DLGAP2: variants seen among roughly 807,000 people sequenced by gnomAD.
DLGAP2 encodes DLG associated protein 2, also known as disks large-associated protein 2.
DLGAP2 carries 26 observed loss-of-function variants against 100.3 expected under a neutral mutation model. The ratio of observed to expected loss-of-function variants is 0.26; its 90% CI spans 0.19 to 0.36. DLGAP2 has a LOEUF of 0.36. Among genes scored for constraint, DLGAP2 ranks in the 10% least tolerant of loss-of-function variants. The probability of loss-of-function intolerance (pLI) is 1.00; values close to 1 mark genes in which losing one functional copy is unlikely to be tolerated. For missense variants in DLGAP2, 1,858 were observed against 1,453.2 expected, an observed-to-expected ratio of 1.28 and a Z score of -4.53; for synonymous variants, 886 against 630.1, an observed-to-expected ratio of 1.41 and a Z score of -6.08.
At chr8:1,348,773 C>T (rs1411104610) in intron 3 of DLGAP2, among the ~76,000 whole-genome samples, 4 of 152,244 alleles carry the variant, frequency 2.6e-5, no homozygotes, top group Admixed American at 6.5e-5. Flanking sequence ...TGCAAAGGAG[C>T]CAACCCATTG....
At chr8:1,609,959 G>A (rs1467171184) in intron 6 of DLGAP2, among the ~76,000 whole-genome samples, 1 of 151,224 alleles carries the variant, frequency 6.6e-6, no homozygotes, top group Non-Finnish European at 1.5e-5. Flanking sequence ...ACACCCCACT[G>A]TCAACATTAG....
chr8:935,607 G>C (rs1379488748), intron 2 of DLGAP2, among the ~76,000 whole-genome samples: 1 of 152,148 alleles, frequency 6.6e-6, no homozygotes, highest in African/African-American at 2.4e-5. Context: ...TGTCGCATTT[G>C]CATACTCCTG....
chr8:1,693,021 G>T (rs1463913462), intron 13 of DLGAP2, among the ~76,000 whole-genome samples: 3 of 147,296 alleles, frequency 2.0e-5, no homozygotes, highest in Non-Finnish European at 4.5e-5. Flanking sequence ...GCATCTATAT[G>T]TTTATATATA....
intron 3 of DLGAP2, among the ~76,000 whole-genome samples, chr8:1,424,927 C>T (rs534781580): frequency 6.6e-5 from 10 of 152,172 alleles, no homozygotes; most frequent in South Asian, 4.2e-4. Flanking sequence ...TTGGGAAGAT[C>T]GAGAAGTTCT....
intron 2 of DLGAP2, among the ~76,000 whole-genome samples, chr8:1,253,029 G>A (rs769016030): frequency 2.6e-5 from 4 of 152,158 alleles, no homozygotes; most frequent in African/African-American, 4.8e-5. Context: ...CCCTCATCCC[G>A]CTGTCCCTCC....
chr8:1,417,353 C>T (rs1470853742), intron 3 of DLGAP2, among the ~76,000 whole-genome samples: 2 of 151,876 alleles, frequency 1.3e-5, no homozygotes, highest in East Asian at 1.9e-4. Context: ...TCATAGAAGC[C>T]CTTGAAGCTA....
intron 2 of DLGAP2, among the ~76,000 whole-genome samples, chr8:963,819 C>T (rs895185789): frequency 6.6e-6 from 1 of 152,194 alleles, no homozygotes; most frequent in African/African-American, 2.4e-5. Context: ...CCAGCACCAT[C>T]ACAGTTAACA....
At chr8:1,007,108 C>T (rs191241839) in intron 2 of DLGAP2, among the ~76,000 whole-genome samples, 5 of 151,940 alleles carry the variant, frequency 3.3e-5, no homozygotes, top group East Asian at 1.9e-4. Flanking sequence ...TCGGGGACGC[C>T]GTGTGTCTGA....
At chr8:1,538,929 A>G in intron 4 of DLGAP2, among the ~76,000 whole-genome samples, 1 of 135,900 alleles carries the variant, frequency 7.4e-6, no homozygotes, top group African/African-American at 2.8e-5. Context: ...GCTTTTGCCT[A>G]GGCTGGAATG....
At chr8:1,054,748 T>G (rs919199057) in intron 2 of DLGAP2, among the ~76,000 whole-genome samples, 2 of 152,232 alleles carry the variant, frequency 1.3e-5, no homozygotes, top group African/African-American at 4.8e-5. Context: ...ATTGTATTGG[T>G]GTCACGCTGT....
intron 2 of DLGAP2, among the ~76,000 whole-genome samples, chr8:952,121 T>G (rs577225232): frequency 6.6e-6 from 1 of 152,340 alleles, no homozygotes; most frequent in South Asian, 2.1e-4. Flanking sequence ...AGTGCAGGCC[T>G]CCTGCCCAGC....
chr8:1,461,104 T>C (rs1468720903), intron 3 of DLGAP2, among the ~76,000 whole-genome samples: 2 of 130,934 alleles, frequency 1.5e-5, no homozygotes, highest in African/African-American at 3.0e-5. Flanking sequence ...TGCTGTCACG[T>C]GGGCTGGGTG....
intron 2 of DLGAP2, among the ~76,000 whole-genome samples, chr8:1,021,894 C>T (rs139712240): frequency 2.2e-4 from 33 of 152,220 alleles, no homozygotes; most frequent in Admixed American, 3.9e-4. Context: ...GTTTGTTCCA[C>T]GACCATCTCC....
In DLGAP2 at chr8:741,992, G is replaced by A. The variant is rs1820499519; in HGVS notation, c.18+4167G>A. Among the ~76,000 whole-genome samples the A allele has an allele frequency of 2.0e-5, 3 of 152,226 alleles. No individual in the cohort carries two copies. The South Asian group carries it at 6.2e-4, about 31-fold the overall frequency. On this transcript the variant is annotated intron_variant, in intron 1 of 14. Transcript: ENST00000637795. ...GGAGGAGAAGGGCGGCTGTTATGCA[G>A]AGAGCTTGGTCCTGAGGATGCTGTT...
intron 2 of DLGAP2, among the ~76,000 whole-genome samples, chr8:946,598 G>A (rs950649476): frequency 3.9e-5 from 6 of 152,180 alleles, no homozygotes; most frequent in East Asian, 1.9e-4. Flanking sequence ...CAGTGTGCAT[G>A]ACAGAGTGAC....
intron 1 of DLGAP2, among the ~76,000 whole-genome samples, chr8:824,693 TTGTC>T (rs1013345890): frequency 6.6e-6 from 1 of 152,038 alleles, no homozygotes; most frequent in Non-Finnish European, 1.5e-5. Context: ...TCTGCAAGCT[TTGTC>T]TGGTAAGTGT....
At chr8:1,377,029 C>T (rs1436499795) in intron 3 of DLGAP2, among the ~76,000 whole-genome samples, 1 of 152,242 alleles carries the variant, frequency 6.6e-6, no homozygotes, top group Non-Finnish European at 1.5e-5. Context: ...GTGTCAGTTA[C>T]TGTGCGCGGT....
intron 1 of DLGAP2, among the ~76,000 whole-genome samples, chr8:847,032 T>C (rs1327354660): frequency 6.6e-6 from 1 of 152,238 alleles, no homozygotes; most frequent in African/African-American, 2.4e-5. Flanking sequence ...TTGATTACTG[T>C]GGAATAGTTT....
At chr8:969,935 C>G (rs2134496) in intron 2 of DLGAP2, among the ~76,000 whole-genome samples, 1 of 152,098 alleles carries the variant, frequency 6.6e-6, no homozygotes, top group Non-Finnish European at 1.5e-5. Context: ...AGGTTATGTT[C>G]TTTTAATATT....
Sources: allele counts gnomAD v4.1 joint callset (sites outside exome capture counted in the v4.1 genomes callset), GRCh38; gene constraint gnomAD v4.1.1; transcripts MANE v1.5; gene names NCBI Gene and HGNC (gene_info 2026-07-23, HGNC 2026-07-21).